The following MYO18B variants were observed in gnomAD, a reference collection of about 807,000 sequenced individuals.
The protein encoded by MYO18B is myosin XVIIIB, also known as unconventional myosin-XVIIIb.
A neutral mutation model predicts 273.0 loss-of-function variants in MYO18B; 204 were observed. The observed-to-expected ratio is 0.75, with a 90% confidence interval of 0.67 to 0.84. MYO18B has a LOEUF of 0.84. MYO18B is among the 40% of genes least tolerant of loss of function. MYO18B has a pLI of 0.00. For synonymous variants in MYO18B, 1,330 were observed against 1,305.7 expected, an observed-to-expected ratio of 1.02 and a Z score of -0.40; for missense variants, 3,212 against 3,287.6, an observed-to-expected ratio of 0.98 and a Z score of 0.56.
intron 6 of MYO18B, among the ~76,000 whole-genome samples, chr22:25,771,243 G>A (rs1216151200): frequency 6.6e-6 from 1 of 152,178 alleles, no homozygotes; most frequent in Non-Finnish European, 1.5e-5. Context: ...ATGTTTGTCA[G>A]GTCTTGGCCC....
Position 25,847,441 on chromosome 22 carries a change from C to CAGCATGAT in MYO18B, c.3565_3572dup (p.Lys1192AlafsTer2), listed in dbSNP as rs1226132415. The CAGCATGAT allele has an allele frequency of 1.6e-5, 25 of 1,569,608 alleles. No homozygotes were observed. The highest frequency in any genetic ancestry group is 2.2e-5 in the Non-Finnish European group (25 of 1,156,906). On this transcript the variant is annotated frameshift_variant, in exon 20 of 44. Coordinates refer to ENST00000335473, the MANE Select transcript of MYO18B (RefSeq NM_032608.7). LOFTEE classifies it high-confidence loss of function. ...TCTATTTGGTCTAGGATGCGCTGAC[C>CAGCATGAT]AGCATGATCAAAAGGTCCCGGCTGC...
chr22:26,025,948 C>T (rs1936206552), intron 42 of MYO18B, among the ~76,000 whole-genome samples: 1 of 152,220 alleles, frequency 6.6e-6, no homozygotes, highest in South Asian at 2.1e-4. Context: ...TACACCGTCA[C>T]CCCATGAAAC....
chr22:25,889,633 G>A lies in MYO18B; in HGVS notation c.4315-1123G>A, dbSNP rs1289087272. On this transcript the variant is annotated intron_variant, in intron 25 of 43. Transcript: ENST00000335473. ...ATGAGCTGCCCTTCTCCTACATAGG[G>A]TTGTTTCTCTGCCTCTTAGCCATAA... Among the ~76,000 whole-genome samples, 3 of 151,308 alleles carry A rather than the reference G, an allele frequency of 2.0e-5. No homozygotes were observed. In the South Asian group the frequency reaches 6.3e-4, roughly 32 times the overall value.
chr22:25,869,170 C>T (rs1048203816), intron 22 of MYO18B, among the ~76,000 whole-genome samples: 13 of 152,108 alleles, frequency 8.5e-5, no homozygotes, highest in African/African-American at 1.9e-4. Flanking sequence ...AACTAGAGGC[C>T]GGGCGTGTTG....
rs943973803 is a variant in MYO18B, at chr22:25,753,100, G to A, written c.-109-7884G>A. ...GAGCCCCCCACCACTGGTTAGGATC[G>A]CGCGCGGCCAGAGCCTCCACGGCAC... On this transcript the variant is annotated intron_variant, in intron 1 of 43. Coordinates refer to ENST00000335473, the MANE Select transcript of MYO18B (RefSeq NM_032608.7). Among the ~76,000 whole-genome samples the A allele has an allele frequency of 9.8e-5, 15 of 152,288 alleles. 2 individuals are homozygous for A. The East Asian group carries it at 2.7e-3, about 27-fold the overall frequency.
At chr22:25,857,280 C>T (rs571051545) in intron 21 of MYO18B, among the ~76,000 whole-genome samples, 1 of 152,154 alleles carries the variant, frequency 6.6e-6, no homozygotes. Context: ...TCTATCTGAT[C>T]GATGTGAGGA....
intron 34 of MYO18B, among the ~76,000 whole-genome samples, chr22:25,932,231 G>C (rs898695882): frequency 6.6e-6 from 1 of 152,040 alleles, no homozygotes; most frequent in African/African-American, 2.4e-5. Context: ...TTCCACATTT[G>C]CGATCTGGTT....
chr22:25,876,102 C>T, intron 23 of MYO18B, 87 bp from the exon 24 acceptor site: 1 of 1,398,696 alleles, frequency 7.1e-7, no homozygotes, highest in Non-Finnish European at 9.8e-7. Flanking sequence ...TTCCTCCAGC[C>T]CCTTTGCTAC....
At chr22:25,849,262 A>G (rs1054029346) in intron 20 of MYO18B, among the ~76,000 whole-genome samples, 1 of 152,220 alleles carries the variant, frequency 6.6e-6, no homozygotes, top group Non-Finnish European at 1.5e-5. Flanking sequence ...TGTTCTCAGC[A>G]CAGCCTAGCT....
intron 3 of MYO18B, among the ~76,000 whole-genome samples, chr22:25,764,555 ATGTGCC>A (rs539955207): frequency 2.0e-5 from 3 of 152,154 alleles, no homozygotes; most frequent in Non-Finnish European, 4.4e-5. Context: ...CTAGTCCCAC[ATGTGCC>A]TGCACCTGTC....
intron 22 of MYO18B, among the ~76,000 whole-genome samples, chr22:25,869,807 G>A (rs2090998367): frequency 6.6e-6 from 1 of 152,170 alleles, no homozygotes; most frequent in African/African-American, 2.4e-5. Context: ...AAACACACTA[G>A]TGTCTCCCCA....
At chr22:25,927,421 A>G (rs922981671) in intron 34 of MYO18B, among the ~76,000 whole-genome samples, 3 of 152,170 alleles carry the variant, frequency 2.0e-5, no homozygotes, top group African/African-American at 2.4e-5. Context: ...CCAGTCTCCC[A>G]TAGCTCTCCC....
chr22:26,030,968 A>G lies in MYO18B; in HGVS notation c.*538A>G. ...CTATCCTGTGTATGTATAAGTGTGTACAAGCATTCAAGAAACTGATGAATG... is the reference window on the plus strand; with the variant it reads ...CTATCCTGTGTATGTATAAGTGTGTGCAAGCATTCAAGAAACTGATGAATG... On this transcript the variant is annotated 3_prime_UTR_variant, in exon 44 of 44. Coordinates refer to ENST00000335473, the MANE Select transcript of MYO18B (RefSeq NM_032608.7). 1 of 398,592 alleles carries G rather than the reference A, an allele frequency of 2.5e-6. No individual in the cohort carries two copies. The highest frequency in any genetic ancestry group is 4.4e-6 in the Non-Finnish European group (1 of 226,054). 24.7% of individuals were successfully genotyped at this position (398,592 alleles called of 1,614,324 possible). A position where few individuals can be genotyped will look rare whatever the true frequency, so the allele number is the denominator to read the frequency against.
intron 40 of MYO18B, among the ~76,000 whole-genome samples, chr22:25,993,896 G>A (rs1183101355): frequency 1.6e-5 from 2 of 126,886 alleles, no homozygotes; most frequent in Non-Finnish European, 3.4e-5. Flanking sequence ...AAGGCGTTAC[G>A]GGTGACAATT....
intron 39 of MYO18B, chr22:25,964,931 TAGCGGTTCC>T (rs1255463367): frequency 6.6e-5 from 10 of 152,244 alleles, no homozygotes; most frequent in South Asian, 6.2e-4. Context: ...AAAAAACCGG[TAGCGGTTCC>T]AGCAAAATCC....
chr22:25,886,616 T>C (rs1456657950), intron 25 of MYO18B, among the ~76,000 whole-genome samples: 1 of 152,204 alleles, frequency 6.6e-6, no homozygotes, highest in East Asian at 1.9e-4. Flanking sequence ...GTCTTTGATC[T>C]GTACCCACTG....
At chr22:25,821,669 C>T (rs6004777) in intron 12 of MYO18B, among the ~76,000 whole-genome samples, 29,286 of 151,840 alleles carry the variant, frequency 0.19, 2,961 homozygotes, top group Non-Finnish European at 0.21. Context: ...TCCAGCTACA[C>T]GGGAGGCTGA....
intron 1 of MYO18B, 88 bp downstream of exon 1, chr22:25,742,381 G>A (rs550250286): frequency 1.3e-5 from 2 of 152,358 alleles, no homozygotes; most frequent in African/African-American, 4.8e-5. Flanking sequence ...GGGCTGCGGT[G>A]GCAGGCCTCC....
chr22:25,980,774 G>T (rs368087891), intron 39 of MYO18B, among the ~76,000 whole-genome samples: 1 of 152,182 alleles, frequency 6.6e-6, no homozygotes. Context: ...ACGTGGTGTT[G>T]TATTAGTTTT....
Sources: gnomAD v4.1 joint callset for allele counts (sites outside exome capture counted in the v4.1 genomes callset) on GRCh38, gnomAD v4.1.1 for gene constraint, MANE v1.5 for transcripts, NCBI Gene and HGNC (gene_info 2026-07-23, HGNC 2026-07-21) for gene names.